The following ATP7A variants were observed in gnomAD, a reference collection of about 807,000 sequenced individuals.
ATP7A encodes the protein ATPase copper transporting alpha.
A neutral mutation model predicts 83.5 loss-of-function variants in ATP7A; 7 were observed. That is an observed-to-expected ratio of 0.08 (90% CI 0.05 to 0.16). ATP7A has a LOEUF of 0.16. ATP7A is among the 10% of genes least tolerant of loss of function. ATP7A has a pLI of 1.00. For missense variants in ATP7A, 940 were observed against 1,120.8 expected (o/e 0.84, Z 2.30); for synonymous variants, 354 against 395.2 (o/e 0.90, Z 1.24).
At position 77,937,738 on chromosome X, in the gene ATP7A, T is replaced by C. The variant is rs782714922; in HGVS notation, c.-22+26903T>C. 2.7e-5 allele frequency among the ~76,000 whole-genome samples: 3 copies of C among 111,633 alleles called. No individual in the cohort carries two copies. The East Asian group carries it at 8.4e-4, about 31-fold the overall frequency. On this transcript the variant is annotated intron_variant, in intron 1 of 22. Transcript: ENST00000341514. ...CCACTTATATGAATAATCATTCCAT[T>C]TATATAAAAATCTGAAAAAGCAAAA...
At chrX:77,917,296 A>G in intron 1 of ATP7A, among the ~76,000 whole-genome samples, 1 of 111,814 alleles carries the variant, frequency 8.9e-6, no homozygotes, top group South Asian at 3.7e-4. Context: ...GCTTTGAAGA[A>G]CTATTTAAGT....
chrX:78,041,316 C>T (rs1557238363), intron 19 of ATP7A, among the ~76,000 whole-genome samples: 2 of 109,966 alleles, frequency 1.8e-5, no homozygotes, highest in African/African-American at 3.3e-5. Context: ...GCTCTTGTTG[C>T]CCAGGCTGAA....
chrX:77,992,860 C>T (rs995087019), intron 4 of ATP7A, among the ~76,000 whole-genome samples: 6 of 111,706 alleles, frequency 5.4e-5, no homozygotes, highest in East Asian at 5.6e-4. Flanking sequence ...GTGATCTGCC[C>T]GCCTCGGCCT....
At chrX:78,033,572 A>G (rs782426590) in intron 16 of ATP7A, 33 bp from the exon 17 acceptor site, 4 of 1,167,822 alleles carry the variant, frequency 3.4e-6, no homozygotes, top group Non-Finnish European at 4.7e-6. Flanking sequence ...TTATCAGAAC[A>G]GTAGAGGAAA....
chrX:77,928,157 T>A (rs1186722995), intron 1 of ATP7A, among the ~76,000 whole-genome samples: 1 of 110,311 alleles, frequency 9.1e-6, no homozygotes, highest in East Asian at 2.8e-4. Context: ...GGACAGGGTC[T>A]TACTATATTG....
chrX:78,018,231 G>A (rs1038336328), intron 12 of ATP7A, among the ~76,000 whole-genome samples: 12 of 108,165 alleles, frequency 1.1e-4, no homozygotes, highest in African/African-American at 1.7e-4. Flanking sequence ...TTGGCTGGGC[G>A]CAGTGGCTCA....
At chrX:77,935,061 G>A (rs945704473) in intron 1 of ATP7A, among the ~76,000 whole-genome samples, 6 of 110,011 alleles carry the variant, frequency 5.5e-5, no homozygotes, top group African/African-American at 1.3e-4. Context: ...ATCCCCCTGC[G>A]TTGGCCTCCC....
intron 1 of ATP7A, chrX:77,923,438 T>C (rs1557223310): frequency 8.9e-6 from 1 of 111,848 alleles, no homozygotes; most frequent in African/African-American, 3.2e-5. Context: ...TCTAGCCATG[T>C]CCATCAGATT....
At chrX:77,924,193 C>T (rs371695599) in intron 1 of ATP7A, 28 of 110,881 alleles carry the variant, frequency 2.5e-4, no homozygotes, top group African/African-American at 8.2e-4. Context: ...ACCACAGAAA[C>T]GAGGAATGGA....
At chrX:77,972,899 ACT>A (rs2077557013) in intron 2 of ATP7A, among the ~76,000 whole-genome samples, 1 of 107,645 alleles carries the variant, frequency 9.3e-6, no homozygotes, top group South Asian at 4.1e-4. Context: ...TAAGTTGAAG[ACT>A]CTATTGTTGT....
At chrX:78,005,703 A>G (rs1437936128) in intron 6 of ATP7A, among the ~76,000 whole-genome samples, 9 of 105,792 alleles carry the variant, frequency 8.5e-5, no homozygotes, top group South Asian at 4.0e-4. Context: ...AAAAAAAAAA[A>G]AAAGAAAAAA....
intron 2 of ATP7A, among the ~76,000 whole-genome samples, chrX:77,982,500 A>G (rs182453361): frequency 0.012 from 1,307 of 112,523 alleles, 9 homozygotes; most frequent in Non-Finnish European, 0.019. Flanking sequence ...TAAAAACTCA[A>G]ATGTGTTTTA....
At chrX:77,932,912 GGACCGTGGGGAGAGGGAGAGGGAGAGGGA>G (rs2077297543) in intron 1 of ATP7A, among the ~76,000 whole-genome samples, 1 of 108,612 alleles carries the variant, frequency 9.2e-6, no homozygotes, top group Non-Finnish European at 1.9e-5. Context: ...AGGGAGAGGG[GGACCGTGGGGAGAGGGAGAGGGAGAGGGA>G]GAGGGAGAGA....
chrX:78,018,952 A>G (rs1557235454), intron 12 of ATP7A, among the ~76,000 whole-genome samples: 1 of 111,301 alleles, frequency 9.0e-6, no homozygotes, highest in Non-Finnish European at 1.9e-5. Context: ...CATCACAAGA[A>G]CAGCATAGGG....
chrX:77,939,724 T>C (rs1456203616), intron 1 of ATP7A, among the ~76,000 whole-genome samples: 1 of 111,355 alleles, frequency 9.0e-6, no homozygotes, highest in African/African-American at 3.3e-5. Flanking sequence ...TTAGAGAGTT[T>C]AATAAGGTTG....
intron 10 of ATP7A, among the ~76,000 whole-genome samples, 186 bp downstream of exon 10, chrX:78,013,298 A>G (rs1827764798): frequency 8.9e-6 from 1 of 112,120 alleles, no homozygotes; most frequent in Non-Finnish European, 1.9e-5. Flanking sequence ...TGGAATTAAT[A>G]CTGTAGATAG....
intron 14 of ATP7A, among the ~76,000 whole-genome samples, chrX:78,021,804 C>A (rs2077907415): frequency 9.0e-6 from 1 of 111,469 alleles, no homozygotes. Context: ...CCAAGGGTCC[C>A]CCTGCGAAAC....
At chrX:78,005,973 T>C (rs1466402660) in intron 6 of ATP7A, among the ~76,000 whole-genome samples, 3 of 111,652 alleles carry the variant, frequency 2.7e-5, no homozygotes, top group African/African-American at 9.8e-5. Flanking sequence ...TTTTCTATGA[T>C]AAAGGATATG....
At chrX:77,911,511 A>G (rs782683387) in intron 1 of ATP7A, among the ~76,000 whole-genome samples, 11 of 108,421 alleles carry the variant, frequency 1.0e-4, no homozygotes, top group Non-Finnish European at 2.1e-4. Flanking sequence ...ATGGCTTTGT[A>G]TTGAGAATAT....
Sources: allele counts gnomAD v4.1 joint callset (sites outside exome capture counted in the v4.1 genomes callset), GRCh38; gene constraint gnomAD v4.1.1; transcripts MANE v1.5; gene names NCBI Gene and HGNC (gene_info 2026-07-23, HGNC 2026-07-21).